CFAP92: variants seen among roughly 807,000 people sequenced by gnomAD.
CFAP92 encodes the protein uncharacterized protein CFAP92.
Under a neutral mutation model 106.3 loss-of-function variants are expected in CFAP92, and 86 were observed. The ratio of observed to expected loss-of-function variants is 0.81; its 90% CI spans 0.68 to 0.97. CFAP92 has a LOEUF of 0.97. Ranked by LOEUF, CFAP92 falls within the 50% of genes least tolerant of loss-of-function variation. The pLI is 0.00. For synonymous variants in CFAP92, 477 were observed against 506.4 expected (o/e 0.94, Z 0.78); for missense variants, 1,204 against 1,283.8 (o/e 0.94, Z 0.95).
At chr3:128,941,624 G>A (rs1939643382) in intron 10 of CFAP92, among the ~76,000 whole-genome samples, 2 of 152,040 alleles carry the variant, frequency 1.3e-5, no homozygotes, top group Non-Finnish European at 2.9e-5. Flanking sequence ...ATACAAGCAT[G>A]TGCCACCACG....
chr3:129,010,438 G>A, the CFAP92 span, among the ~76,000 whole-genome samples: 1 of 152,188 alleles, frequency 6.6e-6, no homozygotes, highest in Non-Finnish European at 1.5e-5. The surrounding 1 kb of genome is among the most constrained non-coding windows in gnomAD (Gnocchi z 4.3). Flanking sequence ...GCCGGAACAG[G>A]GAGGAGAGGC....
rs1553758975 is a variant in CFAP92 at position 128,979,947 on chromosome 3, A to AT, written c.668-1763_668-1762insA. Among the ~76,000 whole-genome samples the AT allele has an allele frequency of 1.6e-3, 205 of 128,284 alleles. 2 individuals carry two copies. Among genetic ancestry groups the AT allele is most frequent in the African/African-American group, 5.0e-3 (167 of 33,340 alleles). 84.2% of individuals were successfully genotyped at this position (128,284 alleles called of 152,430 possible). A position where few individuals can be genotyped will look rare whatever the true frequency, so the allele number is the denominator to read the frequency against. On this transcript the variant is annotated intron_variant, in intron 4 of 15. Transcript: ENST00000645291. ...TGTACCCTAAAACTTAAAGTATAAT[A>AT]ATATATATATATATATATATATATA...
In CFAP92 at chr3:128,945,313, C is replaced by G; in HGVS notation, c.2016G>C (p.Leu672=). ...TGATGTCCTGCAGCAGGCTGTGGAGCAGGGAGACCTTCTTAAAGTCAAAGA... is the reference window on the plus strand; with the variant it reads ...TGATGTCCTGCAGCAGGCTGTGGAGGAGGGAGACCTTCTTAAAGTCAAAGA... ...IFVFDFKKVS[L]LHSLLQDITM... The change falls in exon 10 of 16, where the codon CTG becomes CTC. Residue 672 remains leucine (L), a synonymous_variant. Transcript: ENST00000645291. The G allele has an allele frequency of 6.5e-7, 1 of 1,536,118 alleles. No individual in the cohort carries two copies. Among genetic ancestry groups the G allele is most frequent in the South Asian group, 1.2e-5 (1 of 84,064 alleles).
At chr3:128,956,374 G>A (rs1056717164) in intron 9 of CFAP92, among the ~76,000 whole-genome samples, 1 of 151,692 alleles carries the variant, frequency 6.6e-6, no homozygotes, top group Non-Finnish European at 1.5e-5. Context: ...AAGGAGAGGA[G>A]AAAAAAGGTG....
intron 15 of CFAP92, among the ~76,000 whole-genome samples, chr3:128,911,648 G>T (rs1936335873): frequency 6.6e-6 from 1 of 151,818 alleles, no homozygotes; most frequent in African/African-American, 2.4e-5. Context: ...CACCATGTTG[G>T]CCAAGCTGGT....
At chr3:129,011,816 C>T in the CFAP92 span, among the ~76,000 whole-genome samples, 11 of 152,162 alleles carry the variant, frequency 7.2e-5, no homozygotes, top group Admixed American at 7.2e-4. Context: ...GATATACCCT[C>T]TCTCGAGCCT....
At chr3:128,956,211 AAAAT>A (rs1351363295) in intron 9 of CFAP92, among the ~76,000 whole-genome samples, 25 of 101,126 alleles carry the variant, frequency 2.5e-4, no homozygotes, top group African/African-American at 1.3e-3. Context: ...AAAAAATAAA[AAAAT>A]AAAAAAAAAA....
intron 10 of CFAP92, among the ~76,000 whole-genome samples, chr3:128,943,976 C>T (rs1939946762): frequency 7.7e-6 from 1 of 129,634 alleles, no homozygotes; most frequent in African/African-American, 3.1e-5. Flanking sequence ...GTTGTCCAGG[C>T]TGGAATTCAG....
the CFAP92 span, among the ~76,000 whole-genome samples, chr3:129,014,609 C>G: frequency 6.6e-6 from 1 of 152,296 alleles, no homozygotes; most frequent in Middle Eastern, 3.4e-3. This position sits in a 1 kb window ranked among gnomAD's most constrained non-coding sequence, Gnocchi z 4.3. Flanking sequence ...TTATGAGGAG[C>G]TCTGGGGGTC....
chr3:128,910,477 C>T, intron 15 of CFAP92, 144 bp from the exon 16 acceptor site: 1 of 852,310 alleles, frequency 1.2e-6, no homozygotes. Context: ...GGATCTCTGC[C>T]TGCACTTTCC....
At chr3:128,938,226 T>C (rs1939251075) in intron 10 of CFAP92, among the ~76,000 whole-genome samples, 1 of 151,640 alleles carries the variant, frequency 6.6e-6, no homozygotes, top group Non-Finnish European at 1.5e-5. Context: ...CAATAAACCC[T>C]GTCTCAATAA....
chr3:128,947,215 CT>C (rs1940303228), intron 9 of CFAP92, among the ~76,000 whole-genome samples: 1 of 150,552 alleles, frequency 6.6e-6, no homozygotes, highest in African/African-American at 2.5e-5. Context: ...GTCCTGAAAA[CT>C]TCAAAGCACT....
At chr3:128,910,865 A>G (rs773805385) in intron 15 of CFAP92, 14 of 1,585,208 alleles carry the variant, frequency 8.8e-6, no homozygotes, top group South Asian at 7.7e-5. Flanking sequence ...CTAGGCCCCT[A>G]TTGATGGTGA....
At chr3:129,006,757 G>C (rs946521633), upstream of CFAP92, among the ~76,000 whole-genome samples, 1 of 152,202 alleles carries the variant, frequency 6.6e-6, no homozygotes, top group Non-Finnish European at 1.5e-5. Flanking sequence ...GCAGATGGCT[G>C]TGTCACTAAT....
chr3:128,935,368 G>A, intron 10 of CFAP92, 49 bp from the exon 11 acceptor site: 1 of 1,329,436 alleles, frequency 7.5e-7, no homozygotes, highest in Non-Finnish European at 1.0e-6. Context: ...AGCTTCCTGG[G>A]ACACCGTGGT....
At chr3:128,945,046 G>T in intron 10 of CFAP92, 25 bp downstream of exon 10, 1 of 1,476,214 alleles carries the variant, frequency 6.8e-7, no homozygotes, top group Non-Finnish European at 9.0e-7. Flanking sequence ...TCATTTTTAT[G>T]TAAAATGTAA....
intron 1 of CFAP92, chr3:129,002,037 C>T: frequency 6.5e-7 from 1 of 1,543,838 alleles, no homozygotes; most frequent in Non-Finnish European, 8.7e-7. Flanking sequence ...GCGCGCCGAG[C>T]CGCCGGAGCT....
At chr3:129,016,953 CA>C in the CFAP92 span, among the ~76,000 whole-genome samples, 1 of 152,140 alleles carries the variant, frequency 6.6e-6, no homozygotes, top group Admixed American at 6.5e-5. Flanking sequence ...GTGAGAAGTC[CA>C]GGGGAGAGCA....
Position 128,910,228 on chromosome 3 carries a change from G to A in CFAP92, c.*71C>T. ...CACTTTAATGAAGTTGATTGTTGAGGAGGGTGTGGTCGGGTGTGGGGGAGG... is the reference window on the plus strand; with the variant it reads ...CACTTTAATGAAGTTGATTGTTGAGAAGGGTGTGGTCGGGTGTGGGGGAGG... On this transcript the variant is annotated 3_prime_UTR_variant, in exon 16 of 16. Transcript: ENST00000645291. 1 of 1,604,578 alleles carries A rather than the reference G, an allele frequency of 6.2e-7. No individual in the cohort carries two copies. The highest frequency in any genetic ancestry group is 8.5e-7 in the Non-Finnish European group (1 of 1,177,276).
Sources: gnomAD v4.1 joint callset for allele counts (sites outside exome capture counted in the v4.1 genomes callset) on GRCh38, gnomAD v4.1.1 for gene constraint, Gnocchi (gnomAD v3.1) non-coding constraint, MANE v1.5 for transcripts, NCBI Gene and HGNC (gene_info 2026-07-23, HGNC 2026-07-21) for gene names.